MAPK10: variants seen among roughly 807,000 people sequenced by gnomAD.
MAPK10 encodes JNK3 alpha protein kinase.
MAPK10 carries 25 observed loss-of-function variants against 59.3 expected under a neutral mutation model. That is an observed-to-expected ratio of 0.42 (90% CI 0.31 to 0.59). MAPK10 has a LOEUF of 0.59. Ranked by LOEUF, MAPK10 falls within the 20% of genes least tolerant of loss-of-function variation. MAPK10 has a pLI of 0.15. For missense variants in MAPK10, 351 were observed against 568.9 expected, an observed-to-expected ratio of 0.62 and a Z score of 3.90; for synonymous variants, 190 against 200.5, an observed-to-expected ratio of 0.95 and a Z score of 0.44.
intron 1 of MAPK10, among the ~76,000 whole-genome samples, chr4:86,380,222 A>C (rs1367863524): frequency 6.6e-6 from 1 of 152,064 alleles, no homozygotes; most frequent in African/African-American, 2.4e-5. Flanking sequence ...AACTCTGTCT[A>C]AAAAAAGAAC....
intron 11 of MAPK10, among the ~76,000 whole-genome samples, chr4:86,054,069 G>T (rs181668215): frequency 1.6e-4 from 24 of 152,232 alleles, no homozygotes; most frequent in Non-Finnish European, 2.6e-4. Flanking sequence ...CCAAAGCATG[G>T]ATTCTACTAG....
chr4:86,191,092 G>A (rs1224231198), intron 3 of MAPK10, among the ~76,000 whole-genome samples: 1 of 152,158 alleles, frequency 6.6e-6, no homozygotes, highest in East Asian at 1.9e-4. Context: ...TAATTTCATT[G>A]CACTGTGGTC....
At chr4:86,444,661 A>C (rs1286353694) in intron 1 of MAPK10, among the ~76,000 whole-genome samples, 2 of 152,018 alleles carry the variant, frequency 1.3e-5, no homozygotes, top group African/African-American at 2.4e-5. Context: ...ATATTTTGCA[A>C]TCTATCCATT....
At chr4:86,264,076 A>AAATATTTTCTTGTTTCTAGTT (rs1490862736) in intron 2 of MAPK10, among the ~76,000 whole-genome samples, 1 of 152,210 alleles carries the variant, frequency 6.6e-6, no homozygotes, top group African/African-American at 2.4e-5. Context: ...TGCGAATATA[A>AAATATTTTCTTGTTTCTAGTT]AGAGCAGAAA....
At chr4:86,558,035 A>C (rs1378437952) in intron 1 of MAPK10, among the ~76,000 whole-genome samples, 1 of 152,116 alleles carries the variant, frequency 6.6e-6, no homozygotes, top group Non-Finnish European at 1.5e-5. Flanking sequence ...CTAGTCTGTC[A>C]TTCTTCTGCA....
chr4:86,369,763 T>C (rs1738471793), intron 1 of MAPK10, among the ~76,000 whole-genome samples: 1 of 152,240 alleles, frequency 6.6e-6, no homozygotes, highest in Non-Finnish European at 1.5e-5. Flanking sequence ...ATTCAACATA[T>C]GCTTTATATG....
chr4:86,125,674 T>C (rs2149126174), intron 4 of MAPK10: 1 of 152,248 alleles, frequency 6.6e-6, no homozygotes, highest in South Asian at 2.1e-4. Context: ...AAGTATTATT[T>C]ATGTTTAGTT....
At chr4:86,437,891 A>T (rs1487103350) in intron 1 of MAPK10, among the ~76,000 whole-genome samples, 1 of 152,216 alleles carries the variant, frequency 6.6e-6, no homozygotes, top group East Asian at 1.9e-4. Context: ...ATGCTCACTC[A>T]ATGGAATATT....
Position 86,206,031 on chromosome 4 carries a change from AT to A in MAPK10, c.-6-11625del, listed in dbSNP as rs574074550. Among the ~76,000 whole-genome samples the A allele has an allele frequency of 1.6e-4, 24 of 151,464 alleles. No individual in the cohort carries two copies. In the South Asian group the frequency reaches 2.1e-3, roughly 13 times the overall value. Reference sequence around the variant, plus strand: ...ACTGTTCTCCACTGAAGACAACAGGATTTTTTTTTAATTTAATTTTATTATT... The same window carrying A: ...ACTGTTCTCCACTGAAGACAACAGGATTTTTTTTAATTTAATTTTATTATT... On this transcript the variant is annotated intron_variant, in intron 2 of 13. Transcript: ENST00000641462.
chr4:86,213,996 C>A (rs970870679), intron 2 of MAPK10, among the ~76,000 whole-genome samples: 1 of 151,902 alleles, frequency 6.6e-6, no homozygotes, highest in African/African-American at 2.4e-5. Context: ...CTCTTAGCAA[C>A]AAAATACTAG....
At chr4:86,047,993 T>G (rs374339804) in intron 11 of MAPK10, among the ~76,000 whole-genome samples, 1 of 152,102 alleles carries the variant, frequency 6.6e-6, no homozygotes, top group African/African-American at 2.4e-5. Context: ...AGAAGTGATC[T>G]GAGTCAAGGT....
At chr4:86,303,173 A>C (rs892862215) in intron 2 of MAPK10, among the ~76,000 whole-genome samples, 1 of 152,194 alleles carries the variant, frequency 6.6e-6, no homozygotes, top group African/African-American at 2.4e-5. Context: ...CATGTCTCCT[A>C]GGTCATTCTG....
chr4:86,277,092 G>C (rs1161329434), intron 2 of MAPK10: 1 of 151,264 alleles, frequency 6.6e-6, no homozygotes, highest in Non-Finnish European at 1.5e-5. Context: ...CCAGAAATAT[G>C]TTGGATCCTG....
intron 2 of MAPK10, among the ~76,000 whole-genome samples, chr4:86,307,847 C>CA (rs371571377): frequency 4.7e-4 from 71 of 152,220 alleles, no homozygotes; most frequent in African/African-American, 1.6e-3. Flanking sequence ...GTAGTAGTCT[C>CA]AGAGTCTTGC....
At chr4:86,535,227 A>C (rs1026784639) in intron 1 of MAPK10, among the ~76,000 whole-genome samples, 2 of 152,286 alleles carry the variant, frequency 1.3e-5, no homozygotes, top group Admixed American at 1.3e-4. Context: ...TCTCCTACCA[A>C]AGCCAGAAAG....
In MAPK10 at chr4:86,577,166, C is replaced by T. The variant is rs544828626; in HGVS notation, c.-263+16744G>A. 2.0e-5 allele frequency among the ~76,000 whole-genome samples: 3 copies of T among 152,040 alleles called. No homozygotes were observed. The South Asian group carries it at 6.2e-4, about 32-fold the overall frequency. On this transcript the variant is annotated intron_variant, in intron 1 of 4. Transcript: ENST00000502302. The stretch of plus-strand genomic sequence containing the variant: ...ACCCACCTCTACAAAAAATAATTGG[C>T]CGGATGTGATGGTGCACACTTGTAA...
chr4:86,258,881 A>G (rs2093870780), intron 2 of MAPK10, among the ~76,000 whole-genome samples: 1 of 152,030 alleles, frequency 6.6e-6, no homozygotes, highest in Non-Finnish European at 1.5e-5. Context: ...TCTCTCTTAC[A>G]TTGCTTTATT....
At chr4:86,288,009 A>G (rs1467259414) in intron 2 of MAPK10, among the ~76,000 whole-genome samples, 2 of 152,160 alleles carry the variant, frequency 1.3e-5, no homozygotes, top group African/African-American at 2.4e-5. Flanking sequence ...TAACATATGG[A>G]AAATGGTATG....
Position 86,159,394 on chromosome 4 carries a change from T to C in MAPK10, c.140A>G (p.Gln47Arg), listed in dbSNP as rs2068810660. The C allele has an allele frequency of 8.7e-6, 14 of 1,612,722 alleles. No individual in the cohort carries two copies. The highest frequency in any genetic ancestry group is 1.2e-5 in the Non-Finnish European group (14 of 1,179,160). ...GTCTCCCACTTCCACACTGTAGAAC[T>C]GGTTGTCAACTTTGCTTTTGCTCAT... ...YNMSKSKVDN[Q>R]FYSVEVGDST... Residue 47 changes from glutamine to arginine, a missense_variant, in exon 4 of 14, where the codon CAG (glutamine) becomes CGG (arginine). By Grantham distance (43) the Gln-to-Arg change is conservative. Around this residue, in one of 5 missense-constraint regions of MAPK10, gnomAD observed 61 missense variants for 58.4 expected, o/e 1.05. Transcript: ENST00000641462.
Sources: gnomAD v4.1 joint callset for allele counts (sites outside exome capture counted in the v4.1 genomes callset) on GRCh38, gnomAD v4.1.1 for gene constraint, gnomAD v4.1.1 regional missense constraint, MANE v1.5 for transcripts, NCBI Gene and HGNC (gene_info 2026-07-23, HGNC 2026-07-21) for gene names.